RSF1: variants seen among roughly 807,000 people sequenced by gnomAD.
RSF1 encodes the protein remodeling and spacing factor 1.
In RSF1, 13 loss-of-function variants were observed where a neutral mutation model predicts 145.2. The ratio of observed to expected loss-of-function variants is 0.09; its 90% confidence interval spans 0.06 to 0.14. RSF1 has a LOEUF of 0.14. RSF1 is among the 10% of genes least tolerant of loss of function. RSF1 has a pLI of 1.00. For missense variants in RSF1, 1,517 were observed against 1,718.2 expected (o/e 0.88, Z 2.07); for synonymous variants, 577 against 592.6 (o/e 0.97, Z 0.38).
intron 4 of RSF1, among the ~76,000 whole-genome samples, chr11:77,730,897 T>C (rs1961190799): frequency 6.6e-6 from 1 of 152,224 alleles, no homozygotes; most frequent in Non-Finnish European, 1.5e-5. Flanking sequence ...CCTCTTTCTT[T>C]TGTAAATTGC....
rs572403751 is a variant in RSF1 at position 77,808,828 on chromosome 11, C to T, written c.187+11700G>A. 6.6e-5 allele frequency among the ~76,000 whole-genome samples: 10 copies of T among 151,936 alleles called. No individual in the cohort carries two copies. In the South Asian group the frequency reaches 1.0e-3, roughly 16 times the overall value. ...GATTACAGGCGTGAGCCACCGCGCC[C>T]GGCCTCAAATATTATACCTTTTAAA... On this transcript the variant is annotated intron_variant, in intron 1 of 15. Coordinates refer to ENST00000308488, the MANE Select transcript of RSF1 (RefSeq NM_016578.4).
the RSF1 span, among the ~76,000 whole-genome samples, chr11:77,827,932 A>G: frequency 6.6e-6 from 1 of 152,208 alleles, no homozygotes; most frequent in Non-Finnish European, 1.5e-5. Context: ...TACAAGATAA[A>G]TACTCAAAAA....
chr11:77,826,018 A>G, the RSF1 span, among the ~76,000 whole-genome samples: 6 of 152,102 alleles, frequency 3.9e-5, no homozygotes, highest in Non-Finnish European at 8.8e-5. Context: ...CTTATGCATG[A>G]GTCTATTCTC....
the RSF1 span, among the ~76,000 whole-genome samples, chr11:77,827,960 C>T: frequency 1.3e-5 from 2 of 152,234 alleles, no homozygotes; most frequent in South Asian, 4.1e-4. Flanking sequence ...TTATTCTGTA[C>T]ATTAGCAATG....
intron 1 of RSF1, among the ~76,000 whole-genome samples, chr11:77,783,609 A>T (rs1472677710): frequency 6.6e-6 from 1 of 152,180 alleles, no homozygotes; most frequent in African/African-American, 2.4e-5. Flanking sequence ...TAGGAGGCTG[A>T]GGCGGGCGGA....
upstream of RSF1, among the ~76,000 whole-genome samples, chr11:77,824,242 A>G (rs1590915827): frequency 6.6e-6 from 1 of 152,248 alleles, no homozygotes; most frequent in African/African-American, 2.4e-5. Flanking sequence ...ATGTAGTTAT[A>G]TAAGTGAGTT....
chr11:77,671,152 T>A (rs1398500007), intron 15 of RSF1, among the ~76,000 whole-genome samples: 19 of 55,132 alleles, frequency 3.4e-4, no homozygotes, highest in African/African-American at 9.2e-4. Context: ...TATATATATA[T>A]ATATATATAT....
the RSF1 span, among the ~76,000 whole-genome samples, chr11:77,830,286 T>C: frequency 1.3e-5 from 2 of 152,288 alleles, no homozygotes; most frequent in East Asian, 3.9e-4. Flanking sequence ...GGCTATATGA[T>C]CAAACAGCAA....
At chr11:77,766,455 T>A (rs1215040869) in intron 1 of RSF1, among the ~76,000 whole-genome samples, 2 of 152,114 alleles carry the variant, frequency 1.3e-5, no homozygotes, top group Non-Finnish European at 2.9e-5. Flanking sequence ...AGTCCTTCTG[T>A]CTTTAATGAG....
Position 77,701,839 on chromosome 11 carries a change from A to G in RSF1, c.1390T>C (p.Phe464Leu), listed in dbSNP as rs529578818. ...TAGCTCTCTTCCTTTGTCTCATAAA[A>G]CTTTGTCTCTATTGGTTCTGTCTTA... The part of the protein sequence containing the change: ...NFKTEPIETK[F>L]YETKEESYSP... Residue 464 changes from phenylalanine (F) to leucine (L), a missense_variant, in exon 6 of 16, where the codon TTT (phenylalanine) becomes CTT (leucine). Transcript: ENST00000308488. 3.1e-6 allele frequency: 5 copies of G among 1,614,012 alleles called. No individual in the cohort carries two copies. In the South Asian group the frequency reaches 5.5e-5, roughly 18 times the overall value.
chr11:77,744,773 T>G (rs1011132081), intron 3 of RSF1, among the ~76,000 whole-genome samples: 1 of 152,228 alleles, frequency 6.6e-6, no homozygotes, highest in Non-Finnish European at 1.5e-5. Context: ...TTTCTTATAG[T>G]GTTTGTGTCC....
chr11:77,759,356 A>G (rs1430604290), intron 2 of RSF1, among the ~76,000 whole-genome samples: 1 of 152,158 alleles, frequency 6.6e-6, no homozygotes, highest in Non-Finnish European at 1.5e-5. Flanking sequence ...ACAAAAAATA[A>G]AAAATTTTAG....
chr11:77,672,105 A>C lies in RSF1; in HGVS notation c.3688T>G (p.Leu1230Val), dbSNP rs141748459. The change falls in exon 15 of 16, where the codon TTG becomes GTG. Residue 1230 changes from leucine (L) to valine (V), a missense_variant. Leu to Val is a conservative substitution (Grantham distance 32). Transcript: ENST00000308488. ...CGCCTTATTTCTTTACCACGTCGCA[A>C]ACTCTTCTGGGAACCGTCACTTTCT... The part of the protein sequence containing the change: ...DSESDGSQKS[L>V]RRGKEIRRVH... 1.4e-5 allele frequency: 22 copies of C among 1,613,952 alleles called. No homozygotes were observed. In the African/African-American group the frequency reaches 2.4e-4, roughly 18 times the overall value.
At chr11:77,753,136 T>A (rs1055477665) in intron 2 of RSF1, among the ~76,000 whole-genome samples, 1 of 152,212 alleles carries the variant, frequency 6.6e-6, no homozygotes, top group African/African-American at 2.4e-5. Context: ...ATTCTTTTAT[T>A]CCTTTATTTC....
rs142112266 is a variant in RSF1 at position 77,701,117 on chromosome 11, G to T, written c.2112C>A (p.Ser704Arg). 70 of 1,613,444 alleles carry T rather than the reference G, an allele frequency of 4.3e-5. No homozygotes were observed. The African/African-American group carries it at 8.7e-4, about 20-fold the overall frequency. ...PSETKGSMQK[S>R]KFKYKLVPEE... is the part of the protein sequence containing the mutation. ...CAGGAACCAACTTATATTTGAATTT[G>T]CTTTTTTGCATAGAACCCTTTGTCT... is the stretch of plus-strand genomic sequence containing the variant. The change falls in exon 6 of 16, where the codon AGC (serine) becomes AGA (arginine). Residue 704 changes from serine to arginine, a missense_variant. Physicochemically the swap from Ser to Arg is moderately radical, Grantham distance 110 (BLOSUM62 -1). This residue lies in a region of RSF1 where 579 missense variants were observed against 553.5 expected (regional missense o/e 1.05). Transcript: ENST00000308488.
rs773902422 is a variant in RSF1 at position 77,764,630 on chromosome 11, T to A, written c.247A>T (p.Thr83Ser). The A allele has an allele frequency of 1.9e-6, 3 of 1,608,264 alleles. No homozygotes were observed. Among genetic ancestry groups the A allele is most frequent in the Non-Finnish European group, 1.7e-6 (2 of 1,176,054 alleles). Residue 83 changes from threonine to serine, a missense_variant, in exon 2 of 16, where the codon ACT becomes TCT. Around this residue, in one of 12 missense-constraint regions of RSF1, gnomAD observed 94 missense variants for 143.6 expected, o/e 0.65. Transcript: ENST00000308488. ...KLMRKIGKSVTADRWEKYLIK... is the reference protein window; with the variant it reads ...KLMRKIGKSVSADRWEKYLIK... Reference sequence around the variant, plus strand: ...AAATATTTTTCCCATCTGTCTGCAGTAACAGATTTGCCAATTTTCCTCATC... The same window carrying A: ...AAATATTTTTCCCATCTGTCTGCAGAAACAGATTTGCCAATTTTCCTCATC...
At chr11:77,870,913 T>A in the RSF1 span, among the ~76,000 whole-genome samples, 1 of 152,210 alleles carries the variant, frequency 6.6e-6, no homozygotes, top group African/African-American at 2.4e-5. Flanking sequence ...TTATGGATAG[T>A]CATCCATATA....
rs566217113 is a variant in RSF1 at position 77,705,693 on chromosome 11, C to G, written c.734-3198G>C. Among the ~76,000 whole-genome samples, 6 of 152,178 alleles carry G rather than the reference C, an allele frequency of 3.9e-5. No individual in the cohort carries two copies. In the South Asian group the frequency reaches 1.2e-3, roughly 32 times the overall value. On this transcript the variant is annotated intron_variant, in intron 5 of 15. Transcript: ENST00000308488. Reference sequence around the variant, plus strand: ...GGAGTCAGCTGACTGGTGCCTTTTGCCCTTTTCCCTTCTTTGGGTCCAGAT... The same window carrying G: ...GGAGTCAGCTGACTGGTGCCTTTTGGCCTTTTCCCTTCTTTGGGTCCAGAT...
In RSF1 at chr11:77,673,116, TCTAC is replaced by T. The variant is rs569109217; in HGVS notation, c.3563-890_3563-887del. ...AATCCGCCTCCTGATAATATGCTGT[TCTAC>T]CTGTCACTATAGTCATAATGTATTG... On this transcript the variant is annotated intron_variant, in intron 14 of 15. Coordinates refer to ENST00000308488, the MANE Select transcript of RSF1 (RefSeq NM_016578.4). 7.2e-5 allele frequency among the ~76,000 whole-genome samples: 11 copies of T among 152,334 alleles called. No homozygotes were observed. The South Asian group carries it at 2.3e-3, about 32-fold the overall frequency.
Sources: gnomAD v4.1 joint callset for allele counts (sites outside exome capture counted in the v4.1 genomes callset) on GRCh38, gnomAD v4.1.1 for gene constraint, gnomAD v4.1.1 regional missense constraint, MANE v1.5 for transcripts, NCBI Gene and HGNC (gene_info 2026-07-23, HGNC 2026-07-21) for gene names.